SLC6A11: variants seen among roughly 807,000 people sequenced by gnomAD.
SLC6A11 encodes the protein solute carrier family 6 member 11, also known as sodium- and chloride-dependent GABA transporter 3.
In SLC6A11, 25 loss-of-function variants were observed where a neutral mutation model predicts 74.8. The observed-to-expected ratio is 0.33, with a 90% CI of 0.24 to 0.47. SLC6A11 has a LOEUF of 0.47. SLC6A11 is among the 20% of genes least tolerant of loss of function. The pLI, the probability that SLC6A11 is intolerant of heterozygous loss-of-function variation, is 1.00. For synonymous variants in SLC6A11, 330 were observed against 330.2 expected (o/e 1.00, Z 0.01); for missense variants, 574 against 837.0 (o/e 0.69, Z 3.88).
intron 6 of SLC6A11, among the ~76,000 whole-genome samples, chr3:10,891,240 A>C (rs1485977196): frequency 6.6e-6 from 1 of 152,208 alleles, no homozygotes; most frequent in Admixed American, 6.5e-5. Flanking sequence ...CTTCCTTAAA[A>C]TGGATTTAAA....
chr3:10,940,345 C>CCACACCAACTCTCACGGATG lies in SLC6A11; in HGVS notation c.*1947_*1948insCCAACTCTCACGGATGCACA, dbSNP rs11276081. On this transcript the variant is annotated 3_prime_UTR_variant, in exon 14 of 14. Transcript: ENST00000254488. ...TCCCATTGCTGCTGCTACCGGTTCT[C>CCACACCAACTCTCACGGATG]CACAGATCCCTGTGGTCCGCCATCG... is the stretch of plus-strand genomic sequence containing the variant. 61,711 of 152,092 alleles carry CCACACCAACTCTCACGGATG rather than the reference C, an allele frequency of 0.41. 13,196 individuals are homozygous for CCACACCAACTCTCACGGATG. Among genetic ancestry groups the CCACACCAACTCTCACGGATG allele is most frequent in the African/African-American group, 0.5 (20,876 of 41,442 alleles). 9.4% of individuals were successfully genotyped at this position (152,092 alleles called of 1,614,324 possible). A position where few individuals can be genotyped will look rare whatever the true frequency, so the allele number is the denominator to read the frequency against.
chr3:10,920,135 C>CA (rs1695516851), intron 8 of SLC6A11, among the ~76,000 whole-genome samples: 1 of 152,206 alleles, frequency 6.6e-6, no homozygotes, highest in South Asian at 2.1e-4. Context: ...TTGCATGAGA[C>CA]AGAGTATCCA....
chr3:10,842,216 C>T (rs569077693), intron 4 of SLC6A11, among the ~76,000 whole-genome samples: 1 of 152,208 alleles, frequency 6.6e-6, no homozygotes, highest in East Asian at 1.9e-4. Flanking sequence ...CCTCTCCTCC[C>T]TCCCTCCAAA....
chr3:10,859,424 T>C (rs1694677558), intron 5 of SLC6A11, among the ~76,000 whole-genome samples: 2 of 152,238 alleles, frequency 1.3e-5, no homozygotes, highest in African/African-American at 4.8e-5. Context: ...TGAGGACCCA[T>C]TAATGTCTGT....
chr3:10,917,679 G>A (rs1032329838), intron 7 of SLC6A11, among the ~76,000 whole-genome samples: 1 of 152,154 alleles, frequency 6.6e-6, no homozygotes, highest in Non-Finnish European at 1.5e-5. Context: ...TTCTTAGCTG[G>A]TGAGTCCCCC....
intron 5 of SLC6A11, among the ~76,000 whole-genome samples, chr3:10,851,108 T>G (rs991628897): frequency 6.6e-6 from 1 of 151,904 alleles, no homozygotes; most frequent in African/African-American, 2.4e-5. Context: ...ACGCTGCCCC[T>G]ACACCCTCCC....
intron 6 of SLC6A11, among the ~76,000 whole-genome samples, chr3:10,889,437 TC>T (rs1185629800): frequency 6.6e-6 from 1 of 152,100 alleles, no homozygotes; most frequent in Non-Finnish European, 1.5e-5. Flanking sequence ...GCCCTAGATA[TC>T]CCCTGTGCTC....
chr3:10,933,087 G>C lies in SLC6A11; in HGVS notation c.1372-64G>C, dbSNP rs920009987. 8.4e-5 allele frequency: 97 copies of C among 1,159,668 alleles called. No homozygotes were observed. In the South Asian group the frequency reaches 1.2e-3, roughly 14 times the overall value. The allele number at this position is 1,159,668 out of a possible 1,614,324, so 71.8% of individuals were successfully genotyped here. ...AGAGGGACCTTCCTGAGGCCAGATG[G>C]CTGACCCTGCTCTCCCGTGTGTCCG... On this transcript the variant is annotated intron_variant, in intron 10 of 13. Transcript: ENST00000254488.
At position 10,934,880 on chromosome 3, in the gene SLC6A11, T is replaced by C. The variant is rs1695737700; in HGVS notation, c.1576-149T>C. On this transcript the variant is annotated intron_variant, in intron 12 of 13. Transcript: ENST00000254488. ...CTGTGCCTCAAGCTCACTGTGGTCC[T>C]GGCAGGGCCTCACTTTTCATGGCTG... 6 of 687,036 alleles carry C rather than the reference T, an allele frequency of 8.7e-6. No homozygotes were observed. The South Asian group carries it at 8.9e-5, about 10-fold the overall frequency. 42.6% of individuals were successfully genotyped at this position (687,036 alleles called of 1,614,324 possible). A position where few individuals can be genotyped will look rare whatever the true frequency, so the allele number is the denominator to read the frequency against.
chr3:10,930,333 C>A (rs1575708020), intron 10 of SLC6A11, among the ~76,000 whole-genome samples: 1 of 152,196 alleles, frequency 6.6e-6, no homozygotes, highest in Non-Finnish European at 1.5e-5. Flanking sequence ...CTGTCTCCCC[C>A]ACCAGACCTC....
At chr3:10,818,768 T>C (rs1224945642) in intron 1 of SLC6A11, among the ~76,000 whole-genome samples, 1 of 152,192 alleles carries the variant, frequency 6.6e-6, no homozygotes, top group Non-Finnish European at 1.5e-5. Context: ...ACCTCAGTTA[T>C]TTAATTTTTT....
chr3:10,892,946 C>A (rs1251213103), intron 6 of SLC6A11, among the ~76,000 whole-genome samples: 2 of 152,118 alleles, frequency 1.3e-5, no homozygotes, highest in Admixed American at 1.3e-4. Context: ...GGTGTTAATC[C>A]AAGCTACAGT....
intron 8 of SLC6A11, among the ~76,000 whole-genome samples, chr3:10,921,506 G>T (rs1179199423): frequency 6.6e-6 from 1 of 152,114 alleles, no homozygotes; most frequent in Non-Finnish European, 1.5e-5. Flanking sequence ...AAACAAAATT[G>T]AAAATTAAAA....
chr3:10,929,472 C>T (rs913406073), intron 10 of SLC6A11, 133 bp downstream of exon 10: 18 of 935,392 alleles, frequency 1.9e-5, no homozygotes, highest in South Asian at 8.1e-5. Context: ...TTCCTCCTAG[C>T]GGGTCATGGT....
At position 10,837,181 on chromosome 3, in the gene SLC6A11, G is replaced by C. The variant is rs77102734; in HGVS notation, c.624-7033G>C. 2.4e-3 allele frequency among the ~76,000 whole-genome samples: 372 copies of C among 152,298 alleles called. 4 individuals are homozygous for C. Among genetic ancestry groups the C allele is most frequent in the African/African-American group, 8.6e-3 (359 of 41,550 alleles). ...GGATGGTTAGAATATAGATAACTGG[G>C]GAGAATTGGGAAGGATGTTCCCAGC... On this transcript the variant is annotated intron_variant, in intron 4 of 13. Transcript: ENST00000254488.
At chr3:10,898,147 A>G (rs1256030023) in intron 6 of SLC6A11, among the ~76,000 whole-genome samples, 1 of 152,174 alleles carries the variant, frequency 6.6e-6, no homozygotes, top group African/African-American at 2.4e-5. Flanking sequence ...AGACCAGCCC[A>G]GGACACCATT....
At chr3:10,861,787 G>A (rs574558667) in intron 5 of SLC6A11, among the ~76,000 whole-genome samples, 2 of 152,234 alleles carry the variant, frequency 1.3e-5, no homozygotes, top group African/African-American at 4.8e-5. Flanking sequence ...AGAACAAGAG[G>A]TGAGCATTGA....
chr3:10,905,883 T>A (rs984132030), intron 6 of SLC6A11, among the ~76,000 whole-genome samples: 1 of 152,190 alleles, frequency 6.6e-6, no homozygotes, highest in Admixed American at 6.5e-5. Context: ...GGTTTTTCAA[T>A]TGTGAAAAAT....
At chr3:10,916,148 A>G (rs1316481652) in intron 7 of SLC6A11, among the ~76,000 whole-genome samples, 2 of 152,230 alleles carry the variant, frequency 1.3e-5, no homozygotes, top group African/African-American at 4.8e-5. Flanking sequence ...GACTTCAGGA[A>G]ACAGGCACAA....
Sources: gnomAD v4.1 joint callset for allele counts (sites outside exome capture counted in the v4.1 genomes callset) on GRCh38, gnomAD v4.1.1 for gene constraint, MANE v1.5 for transcripts, NCBI Gene and HGNC (gene_info 2026-07-23, HGNC 2026-07-21) for gene names.